ZNF385D: variants seen among roughly 807,000 people sequenced by gnomAD.
ZNF385D encodes zinc finger protein 659.
In ZNF385D, 15 loss-of-function variants were observed where a neutral mutation model predicts 35.8. The ratio of observed to expected loss-of-function variants is 0.42; its 90% CI spans 0.28 to 0.64. The LOEUF is 0.64. Among genes scored for constraint, ZNF385D ranks in the 30% least tolerant of loss-of-function variants. ZNF385D has a pLI of 0.23. For missense variants in ZNF385D, 474 were observed against 494.6 expected (o/e 0.96, Z 0.39); for synonymous variants, 212 against 186.8 (o/e 1.13, Z -1.10).
intron 2 of ZNF385D, among the ~76,000 whole-genome samples, chr3:22,361,001 G>T (rs765443021): frequency 1.1e-4 from 16 of 152,074 alleles, no homozygotes; most frequent in Non-Finnish European, 2.2e-4. Flanking sequence ...ACACAAGGTC[G>T]ATTATTAAAA....
At chr3:22,018,388 G>T (rs977968140) in intron 3 of ZNF385D, among the ~76,000 whole-genome samples, 1 of 151,218 alleles carries the variant, frequency 6.6e-6, no homozygotes, top group Non-Finnish European at 1.5e-5. Flanking sequence ...TATTTATCTT[G>T]CTTTACATCT....
intron 2 of ZNF385D, among the ~76,000 whole-genome samples, chr3:22,258,915 GA>G (rs1409283535): frequency 6.6e-6 from 1 of 151,706 alleles, no homozygotes; most frequent in African/African-American, 2.4e-5. Context: ...AGTTTATGGA[GA>G]AAAAACTAGT....
chr3:22,044,892 C>T (rs558319381), intron 3 of ZNF385D, among the ~76,000 whole-genome samples: 65 of 152,102 alleles, frequency 4.3e-4, no homozygotes, highest in Middle Eastern at 3.4e-3. Flanking sequence ...TGAAACTTTC[C>T]TTACAGTGAT....
chr3:21,487,229 A>G (rs1383458807), intron 4 of ZNF385D, among the ~76,000 whole-genome samples: 1 of 152,124 alleles, frequency 6.6e-6, no homozygotes, highest in African/African-American at 2.4e-5. Context: ...TGTTTTTTCT[A>G]ACTCTTTAAC....
chr3:21,728,547 A>C (rs2068861540), intron 1 of ZNF385D, among the ~76,000 whole-genome samples: 2 of 152,210 alleles, frequency 1.3e-5, no homozygotes, highest in Non-Finnish European at 2.9e-5. Flanking sequence ...TGATGATCAA[A>C]TAAGCAATAG....
chr3:22,313,164 CCACATGTTCT>C (rs1385141954), intron 2 of ZNF385D, among the ~76,000 whole-genome samples: 1 of 151,282 alleles, frequency 6.6e-6, no homozygotes, highest in South Asian at 2.1e-4. Context: ...AAACCAAACA[CCACATGTTCT>C]CACTCAAAGG....
In ZNF385D at chr3:21,878,420, A is replaced by G. The variant is rs1698094605; in HGVS notation, c.326-213392T>C. On this transcript the variant is annotated intron_variant, in intron 3 of 5. Coordinates refer to the ZNF385D transcript ENST00000494108. ...TTTCATGAGTGCTACAGCAGTATGA[A>G]GGCATTAATATGCGTAAAAAGAAAA... Among the ~76,000 whole-genome samples the G allele has an allele frequency of 2.6e-5, 4 of 152,056 alleles. No individual in the cohort carries two copies. In the South Asian group the frequency reaches 8.3e-4, roughly 31 times the overall value.
At chr3:21,716,751 A>G (rs1015999998) in intron 1 of ZNF385D, among the ~76,000 whole-genome samples, 2 of 152,088 alleles carry the variant, frequency 1.3e-5, no homozygotes, top group Admixed American at 1.3e-4. Flanking sequence ...CTCCACTAAA[A>G]TGTAAGTTCT....
At chr3:21,949,303 T>A (rs1297681832) in intron 3 of ZNF385D, among the ~76,000 whole-genome samples, 1 of 152,214 alleles carries the variant, frequency 6.6e-6, no homozygotes, top group Admixed American at 6.5e-5. Flanking sequence ...AGTGTTTGTG[T>A]CTGTGTGTGC....
intron 2 of ZNF385D, among the ~76,000 whole-genome samples, chr3:22,208,671 C>A (rs1025956977): frequency 6.6e-6 from 1 of 151,288 alleles, no homozygotes; most frequent in South Asian, 2.1e-4. Context: ...ATCTTATGTA[C>A]CCCATAAATA....
chr3:21,847,331 G>C (rs1213336908), intron 3 of ZNF385D, among the ~76,000 whole-genome samples: 4 of 151,936 alleles, frequency 2.6e-5, no homozygotes, highest in African/African-American at 9.7e-5. Context: ...AAGAAAGTTT[G>C]AAAATGTGAC....
chr3:22,344,919 T>C (rs1459170700), intron 2 of ZNF385D, among the ~76,000 whole-genome samples: 1 of 152,204 alleles, frequency 6.6e-6, no homozygotes, highest in Non-Finnish European at 1.5e-5. Context: ...TTGAAGAATG[T>C]AGTTGCTCAG....
intron 3 of ZNF385D, among the ~76,000 whole-genome samples, chr3:22,042,132 T>C (rs968312321): frequency 1.3e-5 from 2 of 152,124 alleles, no homozygotes; most frequent in Non-Finnish European, 2.9e-5. Context: ...GCCTTATGTA[T>C]TTCCAGCTTG....
At chr3:22,245,102 T>C (rs1576555041) in intron 2 of ZNF385D, among the ~76,000 whole-genome samples, 1 of 152,182 alleles carries the variant, frequency 6.6e-6, no homozygotes, top group African/African-American at 2.4e-5. Flanking sequence ...AGAAATACCA[T>C]ATATTGCCTT....
intron 3 of ZNF385D, among the ~76,000 whole-genome samples, chr3:21,816,296 T>C (rs533905543): frequency 6.6e-6 from 1 of 152,106 alleles, no homozygotes. Flanking sequence ...CTCTCACCAC[T>C]CCTATGCAAA....
chr3:21,737,129 G>A (rs1268045893), intron 1 of ZNF385D, among the ~76,000 whole-genome samples: 2 of 151,978 alleles, frequency 1.3e-5, no homozygotes, highest in African/African-American at 2.4e-5. Flanking sequence ...TAGTAGGAAC[G>A]GAGTTTCACC....
At chr3:21,483,383 C>G (rs1022244573) in intron 4 of ZNF385D, among the ~76,000 whole-genome samples, 1 of 152,104 alleles carries the variant, frequency 6.6e-6, no homozygotes, top group African/African-American at 2.4e-5. Context: ...AATCCACTTG[C>G]CCAATGAAAG....
chr3:21,888,919 T>C (rs1172932077), intron 3 of ZNF385D, among the ~76,000 whole-genome samples: 5 of 152,192 alleles, frequency 3.3e-5, no homozygotes, highest in African/African-American at 4.8e-5. Flanking sequence ...ACTTAGAAGA[T>C]GGTATCAGAA....
At chr3:22,301,928 G>A (rs553158567) in intron 2 of ZNF385D, among the ~76,000 whole-genome samples, 41 of 152,016 alleles carry the variant, frequency 2.7e-4, no homozygotes, top group Middle Eastern at 6.8e-3. Flanking sequence ...TTTCTATACC[G>A]ATGCATGTAT....
Sources: allele counts gnomAD v4.1 joint callset (sites outside exome capture counted in the v4.1 genomes callset), GRCh38; gene constraint gnomAD v4.1.1; transcripts MANE v1.5; gene names NCBI Gene and HGNC (gene_info 2026-07-23, HGNC 2026-07-21).